The following THSD4 variants were observed in gnomAD, a reference collection of about 807,000 sequenced individuals.
THSD4 encodes the protein thrombospondin type 1 domain containing 4.
In THSD4, 69 loss-of-function variants were observed where a neutral mutation model predicts 119.0. The ratio of observed to expected loss-of-function variants is 0.58; its 90% CI spans 0.48 to 0.71. The LOEUF is 0.71. Ranked by LOEUF, THSD4 falls within the 30% of genes least tolerant of loss-of-function variation. The pLI is 0.00. For synonymous variants in THSD4, 524 were observed against 540.4 expected, an observed-to-expected ratio of 0.97 and a Z score of 0.42; for missense variants, 1,393 against 1,391.1, an observed-to-expected ratio of 1.00 and a Z score of -0.02.
chr15:71,334,510 A>G (rs2045467577), intron 6 of THSD4, among the ~76,000 whole-genome samples: 1 of 152,140 alleles, frequency 6.6e-6, no homozygotes, highest in Non-Finnish European at 1.5e-5. Flanking sequence ...TTTTATTTTT[A>G]TCATTGTTCA....
At chr15:71,699,030 T>C (rs1195525090) in intron 8 of THSD4, among the ~76,000 whole-genome samples, 1 of 152,160 alleles carries the variant, frequency 6.6e-6, no homozygotes, top group South Asian at 2.1e-4. Context: ...AATACTGTAT[T>C]GCATACTTAA....
At chr15:71,366,563 TCCTCTGGC>T (rs1177908424) in intron 6 of THSD4, among the ~76,000 whole-genome samples, 1 of 152,182 alleles carries the variant, frequency 6.6e-6, no homozygotes, top group Non-Finnish European at 1.5e-5. Flanking sequence ...TGTTGCATTT[TCCTCTGGC>T]TGTTTTTCCC....
chr15:71,593,112 T>C (rs2049838552), intron 7 of THSD4, among the ~76,000 whole-genome samples: 1 of 152,124 alleles, frequency 6.6e-6, no homozygotes, highest in African/African-American at 2.4e-5. Context: ...CAGCCTTATC[T>C]CTTTGTCCAT....
Position 71,115,618 on chromosome 15 carries a change from G to A in THSD4, c.-160G>A, listed in dbSNP as rs2040352295. The A allele has an allele frequency of 6.8e-6, 1 of 147,328 alleles. No individual in the cohort carries two copies. The highest frequency in any genetic ancestry group is 1.5e-5 in the Non-Finnish European group (1 of 66,124). 9.1% of individuals were successfully genotyped at this position (147,328 alleles called of 1,614,324 possible). On this transcript the variant is annotated 5_prime_UTR_variant, in exon 1 of 18. Transcript: ENST00000261862. The surrounding 1 kb of genome is among the most constrained non-coding windows in gnomAD (Gnocchi z 4.4). ...GGCGGCCGTCCATGCGGCGGCGCTC[G>A]GGGCTGCCCGGCGCCGGGAACCACG...
Position 71,190,413 on chromosome 15 carries a change from T to C in THSD4, c.100-24622T>C, listed in dbSNP as rs115125599. Among the ~76,000 whole-genome samples, 814 of 152,226 alleles carry C rather than the reference T, an allele frequency of 5.3e-3. 8 individuals are homozygous for C. The highest frequency in any genetic ancestry group is 0.018 in the African/African-American group (753 of 41,536). The stretch of plus-strand genomic sequence containing the variant: ...AACCAGACTATTGGGCTCCCTTCCA[T>C]GTCTGAGGTGGGCTCCAGCTGCTAG... On this transcript the variant is annotated intron_variant, in intron 3 of 17. Coordinates refer to ENST00000261862, the MANE Select transcript of THSD4 (RefSeq NM_024817.3).
chr15:71,306,169 G>A (rs1319772749), intron 6 of THSD4, among the ~76,000 whole-genome samples: 4 of 151,964 alleles, frequency 2.6e-5, no homozygotes, highest in Non-Finnish European at 5.9e-5. Context: ...AGCCGGGCGT[G>A]GTGGTGGGCA....
At chr15:71,511,686 C>A (rs912574899) in intron 7 of THSD4, among the ~76,000 whole-genome samples, 1 of 152,126 alleles carries the variant, frequency 6.6e-6, no homozygotes, top group Non-Finnish European at 1.5e-5. Context: ...TTCCCAAATT[C>A]TTTGTATCAT....
chr15:71,686,278 A>C (rs1184656304), intron 8 of THSD4, among the ~76,000 whole-genome samples: 1 of 152,190 alleles, frequency 6.6e-6, no homozygotes, highest in Non-Finnish European at 1.5e-5. Context: ...GCATCTGTTG[A>C]GATTTACATG....
chr15:71,342,347 G>GTGC (rs1193613494), intron 6 of THSD4: 1 of 155,502 alleles, frequency 6.4e-6, no homozygotes, highest in Non-Finnish European at 1.4e-5. Flanking sequence ...ATGGGGGCTT[G>GTGC]TGCTGGGCTT....
At position 71,165,060 on chromosome 15, in the gene THSD4, G is replaced by A. The variant is rs1360643833; in HGVS notation, c.99+10128G>A. 13 of 1,601,618 alleles carry A rather than the reference G, an allele frequency of 8.1e-6. No individual in the cohort carries two copies. In the South Asian group the frequency reaches 1.3e-4, roughly 16 times the overall value. On this transcript the variant is annotated intron_variant, in intron 3 of 17. Coordinates refer to ENST00000261862, the MANE Select transcript of THSD4 (RefSeq NM_024817.3). ...TTCTTCGCAACATCACCAATGGACAGGCCAGGATGTTCTCCTTTGATTTTT... is the reference window on the plus strand; with the variant it reads ...TTCTTCGCAACATCACCAATGGACAAGCCAGGATGTTCTCCTTTGATTTTT...
At chr15:71,336,487 CTTAAAG>C (rs1471552354) in intron 6 of THSD4, among the ~76,000 whole-genome samples, 8 of 152,152 alleles carry the variant, frequency 5.3e-5, no homozygotes, top group Non-Finnish European at 4.4e-5. Flanking sequence ...GATTGTTTTT[CTTAAAG>C]TTGAAGATCA....
chr15:71,354,838 A>G (rs2045787648), intron 6 of THSD4, among the ~76,000 whole-genome samples: 1 of 152,226 alleles, frequency 6.6e-6, no homozygotes. Context: ...GTGGTGGCCA[A>G]TAAATACCTT....
intron 7 of THSD4, among the ~76,000 whole-genome samples, chr15:71,504,437 A>G (rs2048159617): frequency 6.6e-6 from 1 of 152,248 alleles, no homozygotes; most frequent in Admixed American, 6.5e-5. Context: ...GTGACCTTAG[A>G]AGAAACCATT....
At chr15:71,708,535 A>G (rs1053465103) in intron 8 of THSD4, among the ~76,000 whole-genome samples, 3 of 152,224 alleles carry the variant, frequency 2.0e-5, no homozygotes, top group African/African-American at 4.8e-5. Context: ...CTGAAAGGGT[A>G]TATCATTTAA....
At chr15:71,354,597 C>A (rs1235021909) in intron 6 of THSD4, among the ~76,000 whole-genome samples, 5 of 152,146 alleles carry the variant, frequency 3.3e-5, no homozygotes, top group African/African-American at 1.2e-4. Flanking sequence ...ATTGAAGGAG[C>A]TTGGTTCATG....
At chr15:71,408,564 G>GTT (rs2046638952) in intron 6 of THSD4, among the ~76,000 whole-genome samples, 1 of 152,076 alleles carries the variant, frequency 6.6e-6, no homozygotes, top group Non-Finnish European at 1.5e-5. Flanking sequence ...TTTTAAAGGA[G>GTT]GTGGGGGCTG....
chr15:71,570,992 C>A (rs1000336515), intron 7 of THSD4, among the ~76,000 whole-genome samples: 1 of 152,140 alleles, frequency 6.6e-6, no homozygotes, highest in Non-Finnish European at 1.5e-5. Context: ...TTCACCATTG[C>A]CCCAGCCTGC....
chr15:71,278,396 G>A (rs1037276671), intron 6 of THSD4, among the ~76,000 whole-genome samples: 4 of 152,060 alleles, frequency 2.6e-5, no homozygotes, highest in African/African-American at 9.7e-5. Flanking sequence ...ATGTTGCCCA[G>A]CTGGTCTTGA....
chr15:71,561,518 A>C (rs1464351229), intron 7 of THSD4, among the ~76,000 whole-genome samples: 1 of 152,082 alleles, frequency 6.6e-6, no homozygotes, highest in Non-Finnish European at 1.5e-5. Flanking sequence ...GAAGAATGAG[A>C]GGGAATTAAT....
Sources: gnomAD v4.1 joint callset for allele counts (sites outside exome capture counted in the v4.1 genomes callset) on GRCh38, gnomAD v4.1.1 for gene constraint, Gnocchi (gnomAD v3.1) non-coding constraint, MANE v1.5 for transcripts, NCBI Gene and HGNC (gene_info 2026-07-23, HGNC 2026-07-21) for gene names.